PCDH15: variants seen among roughly 807,000 people sequenced by gnomAD.
PCDH15 encodes the protein protocadherin related 15, also known as protocadherin-15.
In PCDH15, 129 loss-of-function variants were observed where a neutral mutation model predicts 178.5. The ratio of observed to expected loss-of-function variants is 0.72; its 90% confidence interval spans 0.63 to 0.84. The LOEUF (loss-of-function observed/expected upper bound fraction) is 0.84, where lower values mean the gene tolerates loss of function less well. PCDH15 is among the 40% of genes least tolerant of loss of function. The pLI, the probability that PCDH15 is intolerant of heterozygous loss-of-function variation, is 0.00. For missense variants in PCDH15, 2,230 were observed against 2,099.9 expected (o/e 1.06, Z -1.21); for synonymous variants, 800 against 732.0 (o/e 1.09, Z -1.50).
chr10:53,847,661 T>A (rs1402727839), intron 28 of PCDH15, among the ~76,000 whole-genome samples: 1 of 152,116 alleles, frequency 6.6e-6, no homozygotes, highest in Non-Finnish European at 1.5e-5. Flanking sequence ...CTGTTCTTTT[T>A]GTTTAGCTTG....
chr10:53,856,355 A>G (rs200363910), intron 28 of PCDH15, among the ~76,000 whole-genome samples: 1 of 152,104 alleles, frequency 6.6e-6, no homozygotes, highest in Non-Finnish European at 1.5e-5. Flanking sequence ...AGTTTAATAA[A>G]TAATCACAAC....
chr10:55,524,045 G>C (rs1488375873), intron 2 of PCDH15, among the ~76,000 whole-genome samples: 1 of 145,234 alleles, frequency 6.9e-6, no homozygotes, highest in East Asian at 2.1e-4. Context: ...GAAAACTGGC[G>C]TACATGTAAA....
chr10:54,179,386 AG>A (rs1460400337), intron 13 of PCDH15, among the ~76,000 whole-genome samples: 1 of 128,678 alleles, frequency 7.8e-6, no homozygotes, highest in Non-Finnish European at 1.6e-5. Context: ...ACATGGACAC[AG>A]GAAGGGGAAC....
chr10:55,083,432 A>G lies in PCDH15; in HGVS notation c.-80+83144T>C, dbSNP rs114952955. Reference sequence around the variant, plus strand: ...CTCAATACAATAAAAAACACATATGAGAGACTCACAGGTAGCATCATACTG... The same window carrying G: ...CTCAATACAATAAAAAACACATATGGGAGACTCACAGGTAGCATCATACTG... On this transcript the variant is annotated intron_variant, in intron 2 of 5. Transcript: ENST00000458638. Among the ~76,000 whole-genome samples the G allele has an allele frequency of 2.5e-3, 375 of 152,014 alleles. 1 individual carries two copies. The highest frequency in any genetic ancestry group is 0.01 in the Middle Eastern group (3 of 292).
intron 2 of PCDH15, among the ~76,000 whole-genome samples, chr10:55,142,585 T>A (rs1041305610): frequency 1.8e-5 from 1 of 56,640 alleles, no homozygotes; most frequent in African/African-American, 5.2e-5. Context: ...ATCTATAGTT[T>A]TTTGCATATA....
At chr10:55,160,092 CAG>C (rs1839022160) in intron 2 of PCDH15, among the ~76,000 whole-genome samples, 1 of 151,978 alleles carries the variant, frequency 6.6e-6, no homozygotes. Context: ...GTTTCGCTAC[CAG>C]TGAGAAGCGG....
intron 1 of PCDH15, among the ~76,000 whole-genome samples, chr10:55,313,421 C>T (rs1843641318): frequency 1.3e-5 from 2 of 152,056 alleles, no homozygotes; most frequent in African/African-American, 4.8e-5. Context: ...TTTAAAAGTG[C>T]AACTGTGGAG....
chr10:54,945,364 T>TATAGATAGATAGATAG (rs59385596), intron 2 of PCDH15, among the ~76,000 whole-genome samples: 2 of 146,048 alleles, frequency 1.4e-5, no homozygotes, highest in African/African-American at 2.5e-5. Flanking sequence ...TAGATAGATA[T>TATAGATAGATAGATAG]ATAGATAGAT....
At chr10:53,850,676 A>G (rs1460620660) in intron 28 of PCDH15, among the ~76,000 whole-genome samples, 1 of 152,096 alleles carries the variant, frequency 6.6e-6, no homozygotes, top group Non-Finnish European at 1.5e-5. Context: ...TTTTATAGCT[A>G]TTACATTCCT....
chr10:54,278,238 A>G (rs1027591082), intron 8 of PCDH15, among the ~76,000 whole-genome samples: 2 of 151,592 alleles, frequency 1.3e-5, no homozygotes, highest in African/African-American at 4.8e-5. Context: ...TGGATATTTT[A>G]GTAAAAAGAA....
At chr10:54,444,573 A>G (rs2076032244) in intron 3 of PCDH15, among the ~76,000 whole-genome samples, 1 of 151,750 alleles carries the variant, frequency 6.6e-6, no homozygotes, top group Admixed American at 6.6e-5. Context: ...AATTTCATAC[A>G]GTTTCAACTG....
intron 2 of PCDH15, among the ~76,000 whole-genome samples, chr10:55,150,071 AGG>A (rs1838658503): frequency 2.1e-5 from 2 of 93,756 alleles, no homozygotes; most frequent in Non-Finnish European, 4.7e-5. Flanking sequence ...AGAGGAGAGG[AGG>A]GGGAGGGGAG....
chr10:55,154,959 G>A (rs1838843898), intron 2 of PCDH15, among the ~76,000 whole-genome samples: 1 of 152,050 alleles, frequency 6.6e-6, no homozygotes, highest in South Asian at 2.1e-4. Context: ...AATTGAACTT[G>A]TTGTGACATT....
intron 5 of PCDH15, among the ~76,000 whole-genome samples, chr10:54,368,529 T>C (rs936974704): frequency 2.1e-4 from 32 of 151,992 alleles, no homozygotes; most frequent in African/African-American, 7.7e-4. Flanking sequence ...TTATGCACTT[T>C]AGCCAAAAGA....
intron 2 of PCDH15, among the ~76,000 whole-genome samples, chr10:54,644,848 A>G (rs112910919): frequency 2.5e-3 from 374 of 152,212 alleles, no homozygotes; most frequent in African/African-American, 8.5e-3. Flanking sequence ...TACCTTATAG[A>G]AGGGCTGAAG....
At chr10:55,299,696 C>T (rs1429888990) in intron 1 of PCDH15, among the ~76,000 whole-genome samples, 2 of 152,134 alleles carry the variant, frequency 1.3e-5, no homozygotes, top group Non-Finnish European at 2.9e-5. Context: ...AGACCTTGAT[C>T]CAAATGCTAA....
chr10:53,844,309 C>T (rs1462220121), intron 28 of PCDH15, among the ~76,000 whole-genome samples: 2 of 151,936 alleles, frequency 1.3e-5, no homozygotes, highest in African/African-American at 4.8e-5. Context: ...ATCAGGAAAA[C>T]TAGTTAGTAA....
intron 23 of PCDH15, among the ~76,000 whole-genome samples, chr10:53,944,954 G>A (rs1429178552): frequency 3.3e-5 from 5 of 152,134 alleles, no homozygotes; most frequent in Non-Finnish European, 7.4e-5. Flanking sequence ...CTCCACAACG[G>A]CAATGCTTCT....
chr10:55,048,749 C>T (rs1841078442), intron 2 of PCDH15, among the ~76,000 whole-genome samples: 1 of 151,798 alleles, frequency 6.6e-6, no homozygotes, highest in South Asian at 2.1e-4. Context: ...TGCCTCTAAA[C>T]CTAGAAATGA....
Sources: allele counts gnomAD v4.1 joint callset (sites outside exome capture counted in the v4.1 genomes callset), GRCh38; gene constraint gnomAD v4.1.1; transcripts MANE v1.5; gene names NCBI Gene and HGNC (gene_info 2026-07-23, HGNC 2026-07-21).